FBLN1: variants seen among roughly 807,000 people sequenced by gnomAD.
FBLN1 encodes fibulin 1, also known as fibulin-1.
A neutral mutation model predicts 89.7 loss-of-function variants in FBLN1; 34 were observed. That is an observed-to-expected ratio of 0.38 (90% CI 0.29 to 0.50). The LOEUF (loss-of-function observed/expected upper bound fraction) is 0.50. Ranked by LOEUF, FBLN1 falls within the 20% of genes least tolerant of loss-of-function variation. The pLI, the probability that FBLN1 is intolerant of heterozygous loss-of-function variation, is 0.92. For missense variants in FBLN1, 777 were observed against 988.1 expected (o/e 0.79, Z 2.86); for synonymous variants, 393 against 391.3 (o/e 1.00, Z -0.05).
At chr22:45,568,447 G>C (rs2014557) in intron 14 of FBLN1, among the ~76,000 whole-genome samples, 1 of 76,226 alleles carries the variant, frequency 1.3e-5, no homozygotes, top group Non-Finnish European at 2.6e-5. Flanking sequence ...CTGTAGGGGA[G>C]TGCTCCTTCT....
intron 1 of FBLN1, among the ~76,000 whole-genome samples, chr22:45,510,890 C>A (rs1569232602): frequency 6.6e-6 from 1 of 152,162 alleles, no homozygotes; most frequent in East Asian, 1.9e-4. Flanking sequence ...TATCTGAGGC[C>A]TGTGAACTGA....
At chr22:45,528,536 G>A (rs2088361769) in intron 4 of FBLN1, among the ~76,000 whole-genome samples, 1 of 151,976 alleles carries the variant, frequency 6.6e-6, no homozygotes, top group African/African-American at 2.4e-5. Flanking sequence ...GTAGGGATGG[G>A]GTTTCACCAT....
chr22:45,568,929 G>A (rs1283781673), intron 14 of FBLN1, among the ~76,000 whole-genome samples: 3 of 152,240 alleles, frequency 2.0e-5, no homozygotes, highest in Non-Finnish European at 4.4e-5. Flanking sequence ...TTGGCTCGCA[G>A]CTACATCGCT....
intron 8 of FBLN1, among the ~76,000 whole-genome samples, chr22:45,535,800 G>A (rs551077742): frequency 3.4e-3 from 515 of 152,360 alleles, no homozygotes; most frequent in Non-Finnish European, 5.9e-3. Flanking sequence ...CCAGGATTAG[G>A]CGAGTACTTG....
At chr22:45,525,900 C>T (rs2088321030) in intron 3 of FBLN1, among the ~76,000 whole-genome samples, 1 of 152,236 alleles carries the variant, frequency 6.6e-6, no homozygotes, top group African/African-American at 2.4e-5. Flanking sequence ...GCCGAGTCTC[C>T]CACGAGGCCG....
rs1386651441 is a variant in FBLN1, at chr22:45,561,293, G to T, written c.1697+10678G>T. Reference sequence around the variant, plus strand: ...ACTCTCACTCAGGGCAATCTTAGCAGATTTGAGGCTCAGTATCTGCTTCTG... The same window carrying T: ...ACTCTCACTCAGGGCAATCTTAGCATATTTGAGGCTCAGTATCTGCTTCTG... On this transcript the variant is annotated intron_variant, in intron 14 of 16. Transcript: ENST00000327858. This position sits in a 1 kb window ranked among gnomAD's most constrained non-coding sequence, Gnocchi z 4.7. 1.3e-5 allele frequency among the ~76,000 whole-genome samples: 2 copies of T among 152,218 alleles called. No homozygotes were observed. Among genetic ancestry groups the T allele is most frequent in the Non-Finnish European group, 2.9e-5 (2 of 68,040 alleles).
At chr22:45,596,926 A>G (rs1396933519) in intron 16 of FBLN1, among the ~76,000 whole-genome samples, 2 of 149,166 alleles carry the variant, frequency 1.3e-5, no homozygotes, top group East Asian at 3.9e-4. Flanking sequence ...TATTTTTAAT[A>G]TATTGTTTTA....
rs1217013816 is a variant in FBLN1 at position 45,557,742 on chromosome 22, T to C, written c.1697+7127T>C. On this transcript the variant is annotated intron_variant, in intron 14 of 16. Transcript: ENST00000327858. The surrounding 1 kb of genome is among the most constrained non-coding windows in gnomAD (Gnocchi z 4.9). ...CACAGTTTTTGACCACTCAGAGAGGTCTATCCACATACCTCTTCCCCAAAT... is the reference window on the plus strand; with the variant it reads ...CACAGTTTTTGACCACTCAGAGAGGCCTATCCACATACCTCTTCCCCAAAT... Among the ~76,000 whole-genome samples the C allele has an allele frequency of 6.6e-6, 1 of 152,158 alleles. No individual in the cohort carries two copies. The highest frequency in any genetic ancestry group is 2.4e-5 in the African/African-American group (1 of 41,418).
intron 14 of FBLN1, among the ~76,000 whole-genome samples, chr22:45,568,490 T>TTCTGTAGAGGAGTGCTC: frequency 1.2e-5 from 1 of 84,752 alleles, no homozygotes; most frequent in South Asian, 3.9e-4. Context: ...GGGGAATGCC[T>TTCTGTAGAGGAGTGCTC]CTTCTGTAGG....
At chr22:45,525,119 G>GAA (rs796426846) in intron 2 of FBLN1, among the ~76,000 whole-genome samples, 14 of 123,292 alleles carry the variant, frequency 1.1e-4, no homozygotes, top group Admixed American at 5.6e-4. Context: ...GAGAGAGAGA[G>GAA]AGAAAGAAAA....
intron 6 of FBLN1, 73 bp from the exon 7 acceptor site, chr22:45,533,688 A>G (rs1304109865): frequency 6.3e-7 from 1 of 1,577,310 alleles, no homozygotes; most frequent in African/African-American, 1.4e-5. Flanking sequence ...TGGCTTTGGC[A>G]CATTCCTTTC....
In FBLN1 at chr22:45,572,595, C is replaced by T. The variant is rs1319146104; in HGVS notation, c.1698-1916C>T. 6.6e-6 allele frequency among the ~76,000 whole-genome samples: 1 copy of T among 152,232 alleles called. No individual in the cohort carries two copies. The highest frequency in any genetic ancestry group is 1.9e-4 in the East Asian group (1 of 5,200). ...GCATCTGTTTACAGGAGTAGTCCAGCTAATAAATGGAAGTGAAGTGGTAGA... is the reference window on the plus strand; with the variant it reads ...GCATCTGTTTACAGGAGTAGTCCAGTTAATAAATGGAAGTGAAGTGGTAGA... On this transcript the variant is annotated intron_variant, in intron 14 of 16. Transcript: ENST00000327858. The surrounding 1 kb of genome is among the most constrained non-coding windows in gnomAD (Gnocchi z 5.8).
intron 1 of FBLN1, among the ~76,000 whole-genome samples, chr22:45,507,830 G>C (rs1162137671): frequency 6.6e-6 from 1 of 152,068 alleles, no homozygotes; most frequent in Non-Finnish European, 1.5e-5. Flanking sequence ...GCCTGGCCCT[G>C]TTTTTCATTT....
rs1008127521 is a variant in FBLN1, at chr22:45,583,852, G to A, written c.1972+6744G>A. On this transcript the variant is annotated intron_variant, in intron 16 of 16. Transcript: ENST00000327858. The surrounding 1 kb of genome is among the most constrained non-coding windows in gnomAD (Gnocchi z 4.5). ...CTGTGGGACCAAAGCCTTTACTGGG[G>A]TCCAGGGTGTTATCCAGGCAGGTTT... Among the ~76,000 whole-genome samples, 1 of 152,186 alleles carries A rather than the reference G, an allele frequency of 6.6e-6. No individual in the cohort carries two copies. The highest frequency in any genetic ancestry group is 1.5e-5 in the Non-Finnish European group (1 of 68,042).
At chr22:45,513,979 G>C (rs2238806) in intron 1 of FBLN1, among the ~76,000 whole-genome samples, 21,285 of 152,048 alleles carry the variant, frequency 0.14, 1,786 homozygotes, top group Middle Eastern at 0.27. Flanking sequence ...TTTTAGTAGA[G>C]ACGGGGTTTC....
At chr22:45,509,185 C>T (rs979281057) in intron 1 of FBLN1, among the ~76,000 whole-genome samples, 3 of 152,078 alleles carry the variant, frequency 2.0e-5, no homozygotes, top group Non-Finnish European at 4.4e-5. Context: ...GAGATGCGTC[C>T]TGGAAGCCCA....
rs1237864414 is a variant in FBLN1 at position 45,556,226 on chromosome 22, C to T, written c.1697+5611C>T. ...GGTCAGGCTGGTCTTGAGCTCCTGACCTCAAGTGATCCTCCCGCCTCGGCC... is the reference window on the plus strand; with the variant it reads ...GGTCAGGCTGGTCTTGAGCTCCTGATCTCAAGTGATCCTCCCGCCTCGGCC... On this transcript the variant is annotated intron_variant, in intron 14 of 16. Transcript: ENST00000327858. This position sits in a 1 kb window ranked among gnomAD's most constrained non-coding sequence, Gnocchi z 4.6. 6.6e-6 allele frequency among the ~76,000 whole-genome samples: 1 copy of T among 152,144 alleles called. No individual in the cohort carries two copies. The highest frequency in any genetic ancestry group is 1.5e-5 in the Non-Finnish European group (1 of 68,032).
chr22:45,552,949 T>C (rs2088724281), intron 14 of FBLN1, among the ~76,000 whole-genome samples: 1 of 152,236 alleles, frequency 6.6e-6, no homozygotes, highest in South Asian at 2.1e-4. Flanking sequence ...ACCTGTGGTC[T>C]AGAAAGCTGG....
chr22:45,541,514 A>C, intron 9 of FBLN1, 142 bp downstream of exon 9: 1 of 1,068,668 alleles, frequency 9.4e-7, no homozygotes, highest in Non-Finnish European at 1.4e-6. Context: ...GTTCCCAAGC[A>C]TGGGGCTTCA....
Sources: allele counts gnomAD v4.1 joint callset (sites outside exome capture counted in the v4.1 genomes callset), GRCh38; gene constraint gnomAD v4.1.1; non-coding constraint Gnocchi (gnomAD v3.1); transcripts MANE v1.5; gene names NCBI Gene and HGNC (gene_info 2026-07-23, HGNC 2026-07-21).